The following RIMS3 variants were observed in gnomAD, a reference collection of about 807,000 sequenced individuals.
RIMS3 encodes the protein regulating synaptic membrane exocytosis 3, also known as regulating synaptic membrane exocytosis protein 3.
A neutral mutation model predicts 29.2 loss-of-function variants in RIMS3; 15 were observed. The observed-to-expected ratio is 0.51, with a 90% CI of 0.34 to 0.79. RIMS3 has a LOEUF of 0.79. Among genes scored for constraint, RIMS3 ranks in the 30% least tolerant of loss-of-function variants. RIMS3 has a pLI of 0.01. For synonymous variants in RIMS3, 161 were observed against 170.1 expected, an observed-to-expected ratio of 0.95 and a Z score of 0.41; for missense variants, 342 against 421.4, an observed-to-expected ratio of 0.81 and a Z score of 1.65.
intron 2 of RIMS3, among the ~76,000 whole-genome samples, chr1:40,646,760 G>T (rs1557677611): frequency 6.6e-6 from 1 of 152,176 alleles, no homozygotes; most frequent in East Asian, 1.9e-4. Flanking sequence ...CTACCCTGGG[G>T]TCTCAGTACC....
At chr1:40,668,506 T>TGGGGGGG (rs1642454158), upstream of RIMS3, among the ~76,000 whole-genome samples, 1 of 39,998 alleles carries the variant, frequency 2.5e-5, no homozygotes, top group Non-Finnish European at 5.1e-5. Flanking sequence ...GGGGGGGGGT[T>TGGGGGGG]GGTGGCGGAG....
upstream of RIMS3, among the ~76,000 whole-genome samples, chr1:40,666,856 C>T (rs189392290): frequency 2.1e-3 from 325 of 152,210 alleles, 3 homozygotes; most frequent in African/African-American, 7.3e-3. Flanking sequence ...GAAACCCCAT[C>T]TCTACTAAAA....
chr1:40,676,045 C>A, the RIMS3 span, among the ~76,000 whole-genome samples: 1 of 152,156 alleles, frequency 6.6e-6, no homozygotes, highest in Non-Finnish European at 1.5e-5. Flanking sequence ...GGGGAAGGAG[C>A]AATCCTATCC....
intron 1 of RIMS3, among the ~76,000 whole-genome samples, chr1:40,651,346 G>A (rs1296622185): frequency 4.6e-5 from 7 of 152,290 alleles, no homozygotes; most frequent in Non-Finnish European, 1.0e-4. Flanking sequence ...GCGTCAATGC[G>A]CCAAGGAACG....
At chr1:40,685,281 T>G in the RIMS3 span, among the ~76,000 whole-genome samples, 2 of 77,890 alleles carry the variant, frequency 2.6e-5, no homozygotes, top group African/African-American at 6.3e-5. Context: ...AAAACATAAT[T>G]TATTAATATA....
chr1:40,632,479 G>T (rs1201605560), intron 5 of RIMS3, among the ~76,000 whole-genome samples: 3 of 138,356 alleles, frequency 2.2e-5, no homozygotes, highest in Non-Finnish European at 3.1e-5. Flanking sequence ...CTAGGTTTGT[G>T]TAAGTACACT....
the RIMS3 span, among the ~76,000 whole-genome samples, chr1:40,674,749 C>T: frequency 2.0e-5 from 3 of 152,188 alleles, no homozygotes; most frequent in African/African-American, 7.2e-5. Flanking sequence ...TTGCCCTTCA[C>T]CTGCTGCCAT....
chr1:40,628,861 C>A lies in RIMS3; in HGVS notation c.663G>T (p.Leu221=). 1 of 1,614,172 alleles carries A rather than the reference C, an allele frequency of 6.2e-7. No homozygotes were observed. The highest frequency in any genetic ancestry group is 8.5e-7 in the Non-Finnish European group (1 of 1,180,050). ...TKMTKKTCDP[L]YQQALLFDEG... is the part of the protein sequence containing the mutation. Reference sequence around the variant, plus strand: ...CGTCAAAGAGCAGAGCCTGCTGGTACAGGGGATCACAGGTCTTCTTGGTCA... The same window carrying A: ...CGTCAAAGAGCAGAGCCTGCTGGTAAAGGGGATCACAGGTCTTCTTGGTCA... The change falls in exon 7 of 8, where the codon CTG becomes CTT. Residue 221 remains leucine (L), a synonymous_variant. Coordinates refer to ENST00000372684, the MANE Select transcript of RIMS3 (RefSeq NM_014747.3).
At chr1:40,681,109 C>T in the RIMS3 span, among the ~76,000 whole-genome samples, 14 of 152,176 alleles carry the variant, frequency 9.2e-5, no homozygotes, top group East Asian at 2.7e-3. Flanking sequence ...ATTTCATTTA[C>T]TCACTTGCTC....
the RIMS3 span, among the ~76,000 whole-genome samples, chr1:40,684,643 T>G: frequency 6.6e-6 from 1 of 152,232 alleles, no homozygotes. Context: ...TGCTGGCTAC[T>G]TCACAATGAG....
At chr1:40,672,888 C>T in the RIMS3 span, among the ~76,000 whole-genome samples, 9 of 148,346 alleles carry the variant, frequency 6.1e-5, no homozygotes, top group East Asian at 5.9e-4. Flanking sequence ...AAAAAAAGGC[C>T]GGGCATGGTG....
chr1:40,666,162 CTT>C (rs1396289236), upstream of RIMS3, among the ~76,000 whole-genome samples: 1 of 152,186 alleles, frequency 6.6e-6, no homozygotes, highest in African/African-American at 2.4e-5. Context: ...AAGAGAAAGA[CTT>C]TATAATGTCC....
intron 1 of RIMS3, among the ~76,000 whole-genome samples, chr1:40,660,244 G>T (rs559820513): frequency 1.3e-5 from 2 of 152,224 alleles, no homozygotes; most frequent in East Asian, 3.9e-4. Context: ...TGCCAGAGAT[G>T]AACCGGGGAC....
At chr1:40,671,743 C>G in the RIMS3 span, among the ~76,000 whole-genome samples, 1 of 151,192 alleles carries the variant, frequency 6.6e-6, no homozygotes, top group Non-Finnish European at 1.5e-5. Context: ...AATTAAACCC[C>G]TTTCCTTTCT....
chr1:40,684,782 C>T, the RIMS3 span, among the ~76,000 whole-genome samples: 3 of 152,138 alleles, frequency 2.0e-5, no homozygotes. Flanking sequence ...ATTGTTATAG[C>T]CAGCTCCTTC....
intron 1 of RIMS3, among the ~76,000 whole-genome samples, chr1:40,661,988 C>T (rs959148698): frequency 1.3e-5 from 2 of 152,190 alleles, no homozygotes; most frequent in African/African-American, 2.4e-5. Flanking sequence ...CATAAACAAC[C>T]GGTTCCCTGG....
the RIMS3 span, among the ~76,000 whole-genome samples, chr1:40,679,800 A>C: frequency 6.6e-6 from 1 of 152,180 alleles, no homozygotes; most frequent in Non-Finnish European, 1.5e-5. Flanking sequence ...ACAATTAAGA[A>C]AACATGCAGG....
At chr1:40,633,240 T>C in intron 4 of RIMS3, 59 bp from the exon 5 acceptor site, 1 of 1,367,252 alleles carries the variant, frequency 7.3e-7, no homozygotes. Flanking sequence ...GATGAAAGTA[T>C]AGCTGGCAGG....
In RIMS3 at chr1:40,636,865, C is replaced by T. The variant is rs145789363; in HGVS notation, c.218-808G>A. Among the ~76,000 whole-genome samples the T allele has an allele frequency of 2.1e-4, 32 of 152,348 alleles. No individual in the cohort carries two copies. Among genetic ancestry groups the T allele is most frequent in the Non-Finnish European group, 4.4e-4 (30 of 68,032 alleles). The stretch of plus-strand genomic sequence containing the variant: ...GGACACTTTCCCTCTCCCAGCAGCA[C>T]ACCATCCTGCCTGGGTTTCCATGGC... On this transcript the variant is annotated intron_variant, in intron 3 of 7. Transcript: ENST00000372684. The surrounding 1 kb of genome is among the most constrained non-coding windows in gnomAD (Gnocchi z 4.2).
Sources: allele counts gnomAD v4.1 joint callset (sites outside exome capture counted in the v4.1 genomes callset), GRCh38; gene constraint gnomAD v4.1.1; non-coding constraint Gnocchi (gnomAD v3.1); transcripts MANE v1.5; gene names NCBI Gene and HGNC (gene_info 2026-07-23, HGNC 2026-07-21).